The following DNAH7 variants were observed in gnomAD, a reference collection of about 807,000 sequenced individuals.
DNAH7 encodes the protein axonemal beta dynein heavy chain 7.
In DNAH7, 397 loss-of-function variants were observed where a neutral mutation model predicts 444.6. That is an observed-to-expected ratio of 0.89 (90% confidence interval 0.82 to 0.97). The LOEUF (loss-of-function observed/expected upper bound fraction) is 0.97. Among genes scored for constraint, DNAH7 ranks in the 50% least tolerant of loss-of-function variants. DNAH7 has a pLI of 0.00. For missense variants in DNAH7, 4,902 were observed against 4,800.8 expected, an observed-to-expected ratio of 1.02 and a Z score of -0.62; for synonymous variants, 1,636 against 1,624.4, an observed-to-expected ratio of 1.01 and a Z score of -0.17.
chr2:195,869,267 AC>A (rs748902387), intron 40 of DNAH7, among the ~76,000 whole-genome samples: 1 of 148,264 alleles, frequency 6.7e-6, no homozygotes, highest in African/African-American at 2.5e-5. Flanking sequence ...CTGTGGTTCC[AC>A]CCCAGTGCAC....
intron 21 of DNAH7, among the ~76,000 whole-genome samples, chr2:195,930,266 C>T (rs1688604606): frequency 6.6e-6 from 1 of 152,082 alleles, no homozygotes; most frequent in Non-Finnish European, 1.5e-5. Flanking sequence ...TGCTTGAATC[C>T]AGGAGATGGG....
At chr2:195,994,895 C>T (rs1693592501) in intron 12 of DNAH7, 2 of 386,792 alleles carry the variant, frequency 5.2e-6, no homozygotes, top group Non-Finnish European at 1.0e-5. Context: ...GCCAGCATGT[C>T]CTCATCCTCA....
At chr2:195,821,972 A>C (rs1697494579) in intron 49 of DNAH7, among the ~76,000 whole-genome samples, 1 of 152,170 alleles carries the variant, frequency 6.6e-6, no homozygotes, top group East Asian at 1.9e-4. Flanking sequence ...GCCCACACCT[A>C]GGCACCTCCT....
At position 195,830,289 on chromosome 2, in the gene DNAH7, A is replaced by AT. The variant is rs377049260; in HGVS notation, c.9100+3916dup. On this transcript the variant is annotated intron_variant, in intron 48 of 64. Coordinates refer to ENST00000312428, the MANE Select transcript of DNAH7 (RefSeq NM_018897.3). ...ATACTTTTGAGTAAGGCAGATCATC[A>AT]TCTCACTCAAAACAAACAGTTATCC... Among the ~76,000 whole-genome samples, 3 of 152,346 alleles carry AT rather than the reference A, an allele frequency of 2.0e-5. No individual in the cohort carries two copies. The East Asian group carries it at 5.8e-4, about 29-fold the overall frequency.
intron 47 of DNAH7, among the ~76,000 whole-genome samples, chr2:195,836,859 C>T (rs1698401249): frequency 1.3e-5 from 2 of 152,290 alleles, no homozygotes; most frequent in South Asian, 2.1e-4. Flanking sequence ...TTTTTAGCCA[C>T]AATACCTATG....
At chr2:196,068,443 C>G in intron 1 of DNAH7, 1 of 550,514 alleles carries the variant, frequency 1.8e-6, no homozygotes, top group Admixed American at 3.4e-5. Context: ...TGGGCTGTGG[C>G]TCCCCCTGCT....
At chr2:195,944,947 C>G (rs976287282) in intron 19 of DNAH7, among the ~76,000 whole-genome samples, 2 of 151,910 alleles carry the variant, frequency 1.3e-5, no homozygotes, top group Non-Finnish European at 2.9e-5. Context: ...CCACCAAACA[C>G]TTCCCTGTAC....
chr2:195,753,694 A>G (rs16839620), intron 63 of DNAH7, among the ~76,000 whole-genome samples: 14,316 of 152,280 alleles, frequency 0.094, 762 homozygotes, highest in African/African-American at 0.14. Context: ...AATAACTCTT[A>G]TTTAAAATCG....
At chr2:195,817,102 C>T (rs1047092543) in intron 50 of DNAH7, 139 bp from the exon 51 acceptor site, 14 of 629,764 alleles carry the variant, frequency 2.2e-5, no homozygotes, top group African/African-American at 5.6e-5. Context: ...AATGGTGATG[C>T]CTTATAATTA....
chr2:195,771,699 G>A lies in DNAH7; in HGVS notation c.11394C>T (p.Thr3798=). 2 of 1,613,922 alleles carry A rather than the reference G, an allele frequency of 1.2e-6. No individual in the cohort carries two copies. The highest frequency in any genetic ancestry group is 1.7e-6 in the Non-Finnish European group (2 of 1,179,910). The change falls in exon 61 of 65, where the codon ACC becomes ACT. Residue 3798 remains threonine, a synonymous_variant. Coordinates refer to ENST00000312428, the MANE Select transcript of DNAH7 (RefSeq NM_018897.3). ...EMGRFNKLLK[T]IRDSCVNIQK... ...GAATATTTACGCACGAATCTCTTATGGTCTTCAGTAACTTATTGAACCGTC... is the reference window on the plus strand; with the variant it reads ...GAATATTTACGCACGAATCTCTTATAGTCTTCAGTAACTTATTGAACCGTC...
At chr2:195,972,563 T>A (rs1437236791) in intron 15 of DNAH7, 97 bp from the exon 16 acceptor site, 1 of 875,368 alleles carries the variant, frequency 1.1e-6, no homozygotes, top group Non-Finnish European at 1.8e-6. Flanking sequence ...CACAGACTTA[T>A]TAGAAGTCAA....
intron 10 of DNAH7, among the ~76,000 whole-genome samples, chr2:196,009,080 C>T (rs2125711926): frequency 6.6e-6 from 1 of 152,194 alleles, no homozygotes; most frequent in African/African-American, 2.4e-5. Context: ...TGTGTGAACT[C>T]AGAGCAAGAA....
At chr2:195,876,865 G>A (rs918939909) in intron 36 of DNAH7, among the ~76,000 whole-genome samples, 166 bp from the exon 37 acceptor site, 5 of 152,124 alleles carry the variant, frequency 3.3e-5, no homozygotes, top group African/African-American at 1.2e-4. Flanking sequence ...CCAATGGAGT[G>A]TCTCCATCTG....
chr2:195,756,079 A>T, intron 62 of DNAH7, 54 bp downstream of exon 62: 1 of 1,533,346 alleles, frequency 6.5e-7, no homozygotes. Context: ...ATTCTGACGA[A>T]GAAAATGAAA....
At position 195,990,811 on chromosome 2, in the gene DNAH7, G is replaced by GTGTGTGTGTGTGTA. The variant is rs1553600568; in HGVS notation, c.1354-2583_1354-2582insTACACACACACACA. Among the ~76,000 whole-genome samples, 3 of 80,066 alleles carry GTGTGTGTGTGTGTA rather than the reference G, an allele frequency of 3.7e-5. 1 individual carries two copies. Among genetic ancestry groups the GTGTGTGTGTGTGTA allele is most frequent in the African/African-American group, 1.1e-4 (3 of 26,404 alleles). 52.5% of individuals were successfully genotyped at this position (80,066 alleles called of 152,430 possible). ...TGTGTGTGTGTGTGTGTGTGTGTGT[G>GTGTGTGTGTGTGTA]TATATATATATACTTAAATATATAT... On this transcript the variant is annotated intron_variant, in intron 12 of 64. Transcript: ENST00000312428.
At chr2:195,828,373 A>G (rs192291561) in intron 48 of DNAH7, among the ~76,000 whole-genome samples, 31 of 152,194 alleles carry the variant, frequency 2.0e-4, no homozygotes, top group Non-Finnish European at 3.7e-4. Context: ...TCATGAGGTC[A>G]GGACATCGAG....
intron 63 of DNAH7, among the ~76,000 whole-genome samples, chr2:195,746,105 A>G (rs1639666945): frequency 6.6e-6 from 1 of 152,212 alleles, no homozygotes. Flanking sequence ...CAGGAAATCC[A>G]TCTCACGTGC....
At chr2:195,761,623 T>C (rs1364499672) in intron 61 of DNAH7, among the ~76,000 whole-genome samples, 1 of 152,130 alleles carries the variant, frequency 6.6e-6, no homozygotes, top group Non-Finnish European at 1.5e-5. Context: ...AGTTCCAATA[T>C]GTCTGGCAGC....
chr2:196,045,742 A>G (rs1697079936), intron 5 of DNAH7, among the ~76,000 whole-genome samples: 1 of 152,146 alleles, frequency 6.6e-6, no homozygotes, highest in South Asian at 2.1e-4. Flanking sequence ...TGTTAGGGTA[A>G]CCATTAAAAG....
Sources: gnomAD v4.1 joint callset for allele counts (sites outside exome capture counted in the v4.1 genomes callset) on GRCh38, gnomAD v4.1.1 for gene constraint, MANE v1.5 for transcripts, NCBI Gene and HGNC (gene_info 2026-07-23, HGNC 2026-07-21) for gene names.